Variants in CAMK2D observed in about 807,000 individuals in gnomAD.
CAMK2D encodes calcium/calmodulin dependent protein kinase II delta, also known as calcium/calmodulin-dependent protein kinase type II subunit delta.
A neutral mutation model predicts 84.0 loss-of-function variants in CAMK2D; 37 were observed. The ratio of observed to expected loss-of-function variants is 0.44; its 90% CI spans 0.34 to 0.58. The LOEUF (loss-of-function observed/expected upper bound fraction) is 0.58. Among genes scored for constraint, CAMK2D ranks in the 20% least tolerant of loss-of-function variants. The pLI, the probability that CAMK2D is intolerant of heterozygous loss-of-function variation, is 0.02. For synonymous variants in CAMK2D, 202 were observed against 212.5 expected, an observed-to-expected ratio of 0.95 and a Z score of 0.43; for missense variants, 448 against 652.5, an observed-to-expected ratio of 0.69 and a Z score of 3.41.
chr4:113,553,006 A>C (rs1179065681), intron 4 of CAMK2D, among the ~76,000 whole-genome samples: 4 of 152,160 alleles, frequency 2.6e-5, no homozygotes. Flanking sequence ...CTCATTTATC[A>C]ACCATTTCTT....
chr4:113,710,419 C>T (rs894875372), intron 2 of CAMK2D, among the ~76,000 whole-genome samples: 5 of 152,080 alleles, frequency 3.3e-5, no homozygotes, highest in Admixed American at 3.3e-4. Context: ...TATCTGAGAC[C>T]ATGTATTTCT....
rs77977501 is a variant in CAMK2D at position 113,545,942 on chromosome 4, C to G, written c.414+1702G>C. Among the ~76,000 whole-genome samples, 559 of 152,206 alleles carry G rather than the reference C, an allele frequency of 3.7e-3. 2 individuals carry two copies. Among genetic ancestry groups the G allele is most frequent in the African/African-American group, 0.013 (526 of 41,526 alleles). On this transcript the variant is annotated intron_variant, in intron 6 of 20. Coordinates refer to ENST00000511664, the MANE Select transcript of CAMK2D (RefSeq NM_001321571.2). ...TTTTAATTAGTGACGTTAGCTCATA[C>G]GTCAGAGAATATATTTTTCTTCACA...
intron 8 of CAMK2D, among the ~76,000 whole-genome samples, chr4:113,527,612 T>C (rs1005721603): frequency 3.3e-5 from 5 of 152,174 alleles, no homozygotes; most frequent in Admixed American, 6.6e-5. Context: ...TGCTTCATCA[T>C]TGATTTTTCT....
chr4:113,623,998 C>A (rs1227563876), intron 3 of CAMK2D, among the ~76,000 whole-genome samples: 2 of 152,000 alleles, frequency 1.3e-5, no homozygotes, highest in Admixed American at 6.6e-5. Context: ...TGTTTCTGAC[C>A]TCTGAGATCC....
At chr4:113,756,157 C>G (rs2099628100) in intron 2 of CAMK2D, among the ~76,000 whole-genome samples, 1 of 151,948 alleles carries the variant, frequency 6.6e-6, no homozygotes, top group African/African-American at 2.4e-5. Context: ...ACAACTGAAA[C>G]TGTCTGCTGG....
chr4:113,534,282 C>A (rs2098475728), intron 7 of CAMK2D, among the ~76,000 whole-genome samples: 1 of 152,084 alleles, frequency 6.6e-6, no homozygotes, highest in African/African-American at 2.4e-5. Context: ...ACGTAGAACA[C>A]CACATCTCCT....
intron 15 of CAMK2D, among the ~76,000 whole-genome samples, chr4:113,502,265 G>A (rs2098058486): frequency 6.6e-6 from 1 of 151,768 alleles, no homozygotes; most frequent in African/African-American, 2.4e-5. Flanking sequence ...CAATGTATAG[G>A]AAACATTTAG....
At chr4:113,740,837 C>A (rs1303598421) in intron 2 of CAMK2D, among the ~76,000 whole-genome samples, 1 of 152,182 alleles carries the variant, frequency 6.6e-6, no homozygotes, top group Admixed American at 6.6e-5. Flanking sequence ...CTATAGTAGT[C>A]TCCTCTTAAT....
chr4:113,709,350 T>C (rs1203888946), intron 2 of CAMK2D, among the ~76,000 whole-genome samples: 2 of 152,020 alleles, frequency 1.3e-5, no homozygotes, highest in Non-Finnish European at 2.9e-5. Flanking sequence ...CTTAAATATA[T>C]TAATATTCAC....
Position 113,686,861 on chromosome 4 carries a change from T to TACACAC in CAMK2D, c.161-25095_161-25090dup, listed in dbSNP as rs36009295. Among the ~76,000 whole-genome samples the TACACAC allele has an allele frequency of 3.2e-3, 472 of 148,730 alleles. 6 individuals carry two copies. The highest frequency in any genetic ancestry group is 0.011 in the African/African-American group (431 of 40,566). The stretch of plus-strand genomic sequence containing the variant: ...CTTATTTACAATACAGGTATGTGTA[T>TACACAC]ACACACACACACACACACACACACA... On this transcript the variant is annotated intron_variant, in intron 2 of 20. Transcript: ENST00000511664.
In CAMK2D at chr4:113,761,719, G is replaced by C. The variant is rs577621909; in HGVS notation, c.-651C>G. On this transcript the variant is annotated 5_prime_UTR_variant, in exon 1 of 21. Transcript: ENST00000511664. ...TGCTCACGAGCCCGCGCGGCTTCAA[G>C]ACGGCGCGGCGAGAGAAAGAGCGCT... 7.7e-6 allele frequency: 7 copies of C among 914,358 alleles called. No individual in the cohort carries two copies. The highest frequency in any genetic ancestry group is 9.1e-6 in the Non-Finnish European group (7 of 765,252). 56.6% of individuals were successfully genotyped at this position (914,358 alleles called of 1,614,324 possible).
At chr4:113,581,408 G>T (rs999411010) in intron 4 of CAMK2D, among the ~76,000 whole-genome samples, 1 of 151,708 alleles carries the variant, frequency 6.6e-6, no homozygotes, top group Non-Finnish European at 1.5e-5. Context: ...AGCTACGTGG[G>T]AGGCTGAGGC....
chr4:113,683,454 C>CTT (rs1487094577), intron 2 of CAMK2D, among the ~76,000 whole-genome samples: 1 of 152,072 alleles, frequency 6.6e-6, no homozygotes, highest in Admixed American at 6.6e-5. Flanking sequence ...GCACATGACA[C>CTT]TTAAGGGCAA....
chr4:113,584,312 A>G (rs2098824142), intron 4 of CAMK2D, among the ~76,000 whole-genome samples: 1 of 152,170 alleles, frequency 6.6e-6, no homozygotes, highest in South Asian at 2.1e-4. Flanking sequence ...AAAAGGGATA[A>G]TTAAGTGAGT....
chr4:113,739,120 T>C (rs1003145246), intron 2 of CAMK2D, among the ~76,000 whole-genome samples: 2 of 152,096 alleles, frequency 1.3e-5, no homozygotes, highest in African/African-American at 4.8e-5. Context: ...GAAAATACAA[T>C]GCTGCAAAAG....
At chr4:113,741,191 C>T (rs2099592003) in intron 2 of CAMK2D, among the ~76,000 whole-genome samples, 1 of 152,024 alleles carries the variant, frequency 6.6e-6, no homozygotes, top group South Asian at 2.1e-4. Context: ...AAGGAGAAGC[C>T]GTTCAGCAAA....
At chr4:113,537,898 T>C (rs887803893) in intron 6 of CAMK2D, among the ~76,000 whole-genome samples, 1 of 152,230 alleles carries the variant, frequency 6.6e-6, no homozygotes, top group African/African-American at 2.4e-5. Context: ...TAAATCCTAG[T>C]TAACTTCAAG....
At chr4:113,604,819 C>A (rs548086633) in intron 4 of CAMK2D, among the ~76,000 whole-genome samples, 1 of 152,224 alleles carries the variant, frequency 6.6e-6, no homozygotes, top group South Asian at 2.1e-4. Flanking sequence ...CTGTGTGATT[C>A]TCATCATGCC....
At chr4:113,569,064 G>A (rs899523014) in intron 4 of CAMK2D, among the ~76,000 whole-genome samples, 14 of 150,670 alleles carry the variant, frequency 9.3e-5, no homozygotes, top group African/African-American at 2.9e-4. Flanking sequence ...TTTTCTTTTT[G>A]TAGAGACAGG....
Sources: allele counts gnomAD v4.1 joint callset (sites outside exome capture counted in the v4.1 genomes callset), GRCh38; gene constraint gnomAD v4.1.1; transcripts MANE v1.5; gene names NCBI Gene and HGNC (gene_info 2026-07-23, HGNC 2026-07-21).